Variants in HS6ST3 observed in about 807,000 individuals in gnomAD.
HS6ST3 encodes the protein heparan sulfate 6-O-sulfotransferase 3.
A neutral mutation model predicts 36.7 loss-of-function variants in HS6ST3; 12 were observed. The observed-to-expected ratio is 0.33, with a 90% CI of 0.21 to 0.53. HS6ST3 has a LOEUF of 0.53. HS6ST3 is among the 20% of genes least tolerant of loss of function. The probability of loss-of-function intolerance (pLI) is 0.95; values close to 1 mark genes in which losing one functional copy is unlikely to be tolerated. For missense variants in HS6ST3, 584 were observed against 640.9 expected (o/e 0.91, Z 0.96); for synonymous variants, 240 against 257.5 (o/e 0.93, Z 0.65).
chr13:96,700,067 T>C (rs965571648), intron 1 of HS6ST3, among the ~76,000 whole-genome samples: 2 of 152,186 alleles, frequency 1.3e-5, no homozygotes, highest in Non-Finnish European at 1.5e-5. Context: ...CCCTAAACTA[T>C]TTTTCATCAG....
At chr13:96,783,571 T>C (rs970339491) in intron 1 of HS6ST3, among the ~76,000 whole-genome samples, 8 of 146,122 alleles carry the variant, frequency 5.5e-5, no homozygotes, top group Non-Finnish European at 1.2e-4. Flanking sequence ...AAATAAAGCT[T>C]TTTTTTTTTT....
intron 1 of HS6ST3, among the ~76,000 whole-genome samples, chr13:96,252,767 C>G (rs1287823618): frequency 6.6e-6 from 1 of 151,998 alleles, no homozygotes; most frequent in Non-Finnish European, 1.5e-5. Context: ...TGGCGCTGCC[C>G]TCACAATACT....
At position 96,522,618 on chromosome 13, in the gene HS6ST3, T is replaced by C. The variant is rs2056098167; in HGVS notation, c.708-309872T>C. Among the ~76,000 whole-genome samples, 3 of 152,280 alleles carry C rather than the reference T, an allele frequency of 2.0e-5. No homozygotes were observed. The South Asian group carries it at 6.2e-4, about 32-fold the overall frequency. ...CCATTATGTAATGGCCTTTTTTGTC[T>C]CTTTTGACCTTTGTTGCTTTAAAGT... is the stretch of plus-strand genomic sequence containing the variant. On this transcript the variant is annotated intron_variant, in intron 1 of 1. Coordinates refer to ENST00000376705, the MANE Select transcript of HS6ST3 (RefSeq NM_153456.4).
intron 1 of HS6ST3, among the ~76,000 whole-genome samples, chr13:96,111,626 A>G (rs1340676179): frequency 6.6e-6 from 1 of 152,200 alleles, no homozygotes; most frequent in African/African-American, 2.4e-5. Flanking sequence ...CCGTGTTTCC[A>G]CAATAGTTTT....
At chr13:96,374,963 A>T (rs1201316907) in intron 1 of HS6ST3, among the ~76,000 whole-genome samples, 1 of 152,122 alleles carries the variant, frequency 6.6e-6, no homozygotes, top group Non-Finnish European at 1.5e-5. Context: ...TAAGCTTTTC[A>T]TGCCACACAG....
At chr13:96,676,542 A>G (rs1034308541) in intron 1 of HS6ST3, among the ~76,000 whole-genome samples, 2 of 152,190 alleles carry the variant, frequency 1.3e-5, no homozygotes, top group African/African-American at 4.8e-5. Context: ...AGCCACTTAT[A>G]TCAATTGTAG....
At chr13:96,727,093 T>G (rs1876024292) in intron 1 of HS6ST3, among the ~76,000 whole-genome samples, 1 of 152,186 alleles carries the variant, frequency 6.6e-6, no homozygotes, top group Non-Finnish European at 1.5e-5. Context: ...AAAAGGATCA[T>G]TTTCTGTCTG....
chr13:96,663,957 G>C (rs909046155), intron 1 of HS6ST3, among the ~76,000 whole-genome samples: 82 of 152,080 alleles, frequency 5.4e-4, no homozygotes, highest in African/African-American at 2.0e-3. Flanking sequence ...CAGATTAGTG[G>C]TTGCCTGGGC....
intron 1 of HS6ST3, among the ~76,000 whole-genome samples, chr13:96,459,100 T>TAAAAAA (rs747439262): frequency 4.7e-4 from 30 of 63,880 alleles, no homozygotes; most frequent in South Asian, 1.2e-3. Context: ...CAAGACTGTC[T>TAAAAAA]AAAAAAAAAA....
intron 1 of HS6ST3, among the ~76,000 whole-genome samples, chr13:96,195,687 T>A (rs1317519809): frequency 6.6e-6 from 1 of 152,188 alleles, no homozygotes; most frequent in Non-Finnish European, 1.5e-5. Context: ...AGCAAGCATT[T>A]GCTGTAGAGC....
At chr13:96,400,617 A>C (rs1054530262) in intron 1 of HS6ST3, among the ~76,000 whole-genome samples, 7 of 152,102 alleles carry the variant, frequency 4.6e-5, no homozygotes, top group African/African-American at 1.7e-4. Context: ...ATATCAGAAG[A>C]GGGATATTGA....
Position 96,416,693 on chromosome 13 carries a change from A to G in HS6ST3, c.707+325124A>G, listed in dbSNP as rs545817494. On this transcript the variant is annotated intron_variant, in intron 1 of 1. Coordinates refer to ENST00000376705, the MANE Select transcript of HS6ST3 (RefSeq NM_153456.4). ...TTTTTTTTTGAAAGCTCTTTCACCA[A>G]TTTCCACTGTCCCTTCAAGGGCTTG... 5.3e-5 allele frequency among the ~76,000 whole-genome samples: 8 copies of G among 150,506 alleles called. No individual in the cohort carries two copies. In the South Asian group the frequency reaches 1.1e-3, roughly 20 times the overall value.
At position 96,090,818 on chromosome 13, in the gene HS6ST3, C is replaced by T. The variant is rs747269630; in HGVS notation, c.-45C>T. On this transcript the variant is annotated 5_prime_UTR_variant, in exon 1 of 2. Coordinates refer to ENST00000376705, the MANE Select transcript of HS6ST3 (RefSeq NM_153456.4). ...CCGAGCGGGCGCCCGTCCGCCCTGC[C>T]GCCGCCGCCGCCGCCGCTTCGCCTG... 1.6e-6 allele frequency: 2 copies of T among 1,234,102 alleles called. No individual in the cohort carries two copies. The highest frequency in any genetic ancestry group is 1.1e-6 in the Non-Finnish European group (1 of 940,852). 76.4% of individuals were successfully genotyped at this position (1,234,102 alleles called of 1,614,324 possible).
chr13:96,119,090 G>A (rs114991287), intron 1 of HS6ST3, among the ~76,000 whole-genome samples: 2,566 of 152,234 alleles, frequency 0.017, 57 homozygotes, highest in African/African-American at 0.059. Context: ...CTAAATGCAT[G>A]CAAATGACTG....
chr13:96,190,479 G>A (rs984398055), intron 1 of HS6ST3, among the ~76,000 whole-genome samples: 1 of 152,128 alleles, frequency 6.6e-6, no homozygotes, highest in African/African-American at 2.4e-5. Context: ...CTCTCCCAAT[G>A]AGGTCCCCAC....
At chr13:96,509,614 T>C (rs1449179833) in intron 1 of HS6ST3, among the ~76,000 whole-genome samples, 1 of 152,192 alleles carries the variant, frequency 6.6e-6, no homozygotes, top group African/African-American at 2.4e-5. Context: ...CATGCCCCAA[T>C]TTATGTTTTT....
rs1207456937 is a variant in HS6ST3 at position 96,837,416 on chromosome 13, G to A, written c.*4218G>A. 6.6e-6 allele frequency: 1 copy of A among 152,090 alleles called. No homozygotes were observed. Among genetic ancestry groups the A allele is most frequent in the African/African-American group, 2.4e-5 (1 of 41,424 alleles). The allele number at this position is 152,090 out of a possible 1,614,324, so 9.4% of individuals were successfully genotyped here. On this transcript the variant is annotated 3_prime_UTR_variant, in exon 2 of 2. Coordinates refer to ENST00000376705, the MANE Select transcript of HS6ST3 (RefSeq NM_153456.4). ...GGATGGAGAGTCAGATATGTTGAAAGATTTCCCAACGACTCTAATTTATGA... is the reference window on the plus strand; with the variant it reads ...GGATGGAGAGTCAGATATGTTGAAAAATTTCCCAACGACTCTAATTTATGA...
chr13:96,237,421 G>A (rs1408091326), intron 1 of HS6ST3, among the ~76,000 whole-genome samples: 3 of 151,450 alleles, frequency 2.0e-5, no homozygotes, highest in Non-Finnish European at 4.4e-5. Flanking sequence ...ATCAAAGCCA[G>A]TTCTTTTATT....
At chr13:96,473,534 A>T (rs546978891) in intron 1 of HS6ST3, among the ~76,000 whole-genome samples, 3 of 152,104 alleles carry the variant, frequency 2.0e-5, no homozygotes, top group Non-Finnish European at 2.9e-5. Flanking sequence ...TGGCATCGCT[A>T]CCTCTTCTGG....
Sources: allele counts gnomAD v4.1 joint callset (sites outside exome capture counted in the v4.1 genomes callset), GRCh38; gene constraint gnomAD v4.1.1; transcripts MANE v1.5; gene names NCBI Gene and HGNC (gene_info 2026-07-23, HGNC 2026-07-21).